The following STAT5B variants were observed in gnomAD, a reference collection of about 807,000 sequenced individuals.
The protein encoded by STAT5B is signal transducer and activator of transcription 5B.
STAT5B carries 21 observed loss-of-function variants against 107.8 expected under a neutral mutation model. That is an observed-to-expected ratio of 0.19 (90% CI 0.14 to 0.28). The LOEUF (loss-of-function observed/expected upper bound fraction) is 0.28. STAT5B is among the 10% of genes least tolerant of loss of function. The probability of loss-of-function intolerance (pLI) is 1.00; values close to 1 mark genes in which losing one functional copy is unlikely to be tolerated. For missense variants in STAT5B, 565 were observed against 1,008.2 expected, an observed-to-expected ratio of 0.56 and a Z score of 5.95; for synonymous variants, 325 against 401.7, an observed-to-expected ratio of 0.81 and a Z score of 2.28.
intron 2 of STAT5B, among the ~76,000 whole-genome samples, chr17:42,228,887 T>C (rs2080295744): frequency 6.6e-6 from 1 of 152,106 alleles, no homozygotes; most frequent in Non-Finnish European, 1.5e-5. Flanking sequence ...TGAGCCAAGA[T>C]TGCGCCACTG....
intron 1 of STAT5B, among the ~76,000 whole-genome samples, chr17:42,258,002 C>T (rs1243316395): frequency 1.3e-5 from 2 of 152,106 alleles, no homozygotes; most frequent in Non-Finnish European, 2.9e-5. Context: ...AGAATGACTC[C>T]TTAGAGCATA....
intron 16 of STAT5B, 41 bp from the exon 17 acceptor site, chr17:42,202,849 A>G: frequency 6.2e-7 from 1 of 1,613,202 alleles, no homozygotes. Context: ...TTCTCAAGTG[A>G]AACAAAAATG....
chr17:42,275,704 T>C (rs1238309624), intron 1 of STAT5B: 1 of 152,000 alleles, frequency 6.6e-6, no homozygotes, highest in African/African-American at 2.4e-5. Flanking sequence ...CAGAGTCTTA[T>C]CGAAACGTTC....
At chr17:42,219,988 G>A (rs537622926) in intron 5 of STAT5B, 146 bp from the exon 6 acceptor site, 13 of 1,407,330 alleles carry the variant, frequency 9.2e-6, no homozygotes, top group Non-Finnish European at 9.5e-7. Context: ...ACAGCCAGGG[G>A]GGCCAAGATG....
chr17:42,212,265 C>A (rs151102468), intron 12 of STAT5B, 75 bp from the exon 13 acceptor site: 1 of 1,609,916 alleles, frequency 6.2e-7, no homozygotes, highest in African/African-American at 1.3e-5. Flanking sequence ...AAAAGAAAAA[C>A]GCTGATGGCT....
rs1363399058 is a variant in STAT5B, at chr17:42,232,130, T to C, written c.-3A>G. 3.1e-6 allele frequency: 5 copies of C among 1,613,864 alleles called. No individual in the cohort carries two copies. Among genetic ancestry groups the C allele is most frequent in the Non-Finnish European group, 3.4e-6 (4 of 1,179,916 alleles). On this transcript the variant is annotated 5_prime_UTR_variant, in exon 2 of 19. Transcript: ENST00000293328. ...TGAGCTTGTATCCACACAGCCATGG[T>C]TTACAATCTGTTGAACAAACAATCA...
chr17:42,230,396 G>A (rs1341302400), intron 2 of STAT5B, among the ~76,000 whole-genome samples: 2 of 152,120 alleles, frequency 1.3e-5, no homozygotes, highest in Non-Finnish European at 2.9e-5. Context: ...ATGTCAGATC[G>A]ACTGACAGAC....
intron 1 of STAT5B, among the ~76,000 whole-genome samples, chr17:42,261,947 C>T (rs955270704): frequency 8.6e-5 from 13 of 151,856 alleles, no homozygotes; most frequent in Non-Finnish European, 1.5e-5. Flanking sequence ...CAATCCTTCC[C>T]CCTCAGCCTC....
chr17:42,260,069 C>G (rs1223799424), intron 1 of STAT5B, among the ~76,000 whole-genome samples: 1 of 152,216 alleles, frequency 6.6e-6, no homozygotes, highest in East Asian at 1.9e-4. Context: ...ATGGTAGCCT[C>G]TAGCAGCATG....
rs978368117 is a variant in STAT5B, at chr17:42,199,523, T to C, written c.*2215A>G. ...TGTCTGGGAGTGGGTGAGAGGCTGA[T>C]GGGGTCGAGACACACCACTACCTTT... is the stretch of plus-strand genomic sequence containing the variant. On this transcript the variant is annotated 3_prime_UTR_variant, in exon 19 of 19. Coordinates refer to ENST00000293328, the MANE Select transcript of STAT5B (RefSeq NM_012448.4). 3 of 152,264 alleles carry C rather than the reference T, an allele frequency of 2.0e-5. No homozygotes were observed. Among genetic ancestry groups the C allele is most frequent in the Non-Finnish European group, 4.4e-5 (3 of 68,032 alleles). The allele number at this position is 152,264 out of a possible 1,614,324, so 9.4% of individuals were successfully genotyped here.
Position 42,199,719 on chromosome 17 carries a change from T to A in STAT5B, c.*2019A>T, listed in dbSNP as rs1372873021. 6.5e-6 allele frequency: 1 copy of A among 152,690 alleles called. No homozygotes were observed. Among genetic ancestry groups the A allele is most frequent in the Non-Finnish European group, 1.5e-5 (1 of 68,326 alleles). 9.5% of individuals were successfully genotyped at this position (152,690 alleles called of 1,614,324 possible). A position where few individuals can be genotyped will look rare whatever the true frequency, so the allele number is the denominator to read the frequency against. ...TCAGGGAAGCCACACTCATCAGCTCTCTTCCTCCCCAACCCAGTGCCAACT... is the reference window on the plus strand; with the variant it reads ...TCAGGGAAGCCACACTCATCAGCTCACTTCCTCCCCAACCCAGTGCCAACT... On this transcript the variant is annotated 3_prime_UTR_variant, in exon 19 of 19. Transcript: ENST00000293328.
At chr17:42,219,182 G>A in intron 7 of STAT5B, 130 bp downstream of exon 7, 9 of 1,393,332 alleles carry the variant, frequency 6.5e-6, no homozygotes, top group Non-Finnish European at 7.6e-6. Context: ...GAGGAACCAG[G>A]CTCCCTGGAG....
chr17:42,227,466 T>A, intron 3 of STAT5B, 63 bp downstream of exon 3: 1 of 1,607,934 alleles, frequency 6.2e-7, no homozygotes, highest in Admixed American at 1.7e-5. Flanking sequence ...AGAAAGAAAG[T>A]CTCTACAGGA....
chr17:42,222,236 A>G (rs1238897572), intron 5 of STAT5B, among the ~76,000 whole-genome samples: 1 of 151,562 alleles, frequency 6.6e-6, no homozygotes, highest in Admixed American at 6.6e-5. Flanking sequence ...TGGGTGGTTG[A>G]GCCAAGGCTT....
chr17:42,276,877 T>C (rs898172992), upstream of STAT5B, among the ~76,000 whole-genome samples: 3 of 152,190 alleles, frequency 2.0e-5, no homozygotes, highest in Non-Finnish European at 4.4e-5. The surrounding 1 kb of genome is among the most constrained non-coding windows in gnomAD (Gnocchi z 4.8). Flanking sequence ...TCAATAATTA[T>C]CCTGGGTTTG....
At chr17:42,259,866 GTTTTA>G (rs2080579282) in intron 1 of STAT5B, among the ~76,000 whole-genome samples, 2 of 152,160 alleles carry the variant, frequency 1.3e-5, no homozygotes, top group Middle Eastern at 3.4e-3. Flanking sequence ...TATTTGTTTT[GTTTTA>G]TTTTAAGTTC....
chr17:42,204,845 C>A (rs115122577), intron 16 of STAT5B, among the ~76,000 whole-genome samples: 2,178 of 152,164 alleles, frequency 0.014, 54 homozygotes, highest in African/African-American at 0.05. Context: ...AACTCCTAGG[C>A]TCAAGCAATC....
Position 42,251,867 on chromosome 17 carries a change from T to C in STAT5B, c.-10-19730A>G, listed in dbSNP as rs533006268. ...ACAAAAAATTAGCTGGGCGTGGTGA[T>C]GCGTGCCTGTAATCCCAGCTACTGG... is the stretch of plus-strand genomic sequence containing the variant. On this transcript the variant is annotated intron_variant, in intron 1 of 18. Transcript: ENST00000293328. Among the ~76,000 whole-genome samples, 10 of 151,740 alleles carry C rather than the reference T, an allele frequency of 6.6e-5. No homozygotes were observed. The South Asian group carries it at 2.1e-3, about 32-fold the overall frequency.
intron 1 of STAT5B, among the ~76,000 whole-genome samples, chr17:42,238,212 C>T (rs2080372611): frequency 6.6e-6 from 1 of 152,038 alleles, no homozygotes; most frequent in African/African-American, 2.4e-5. Flanking sequence ...TGGTTCACTG[C>T]AGCCTCAAAC....
Sources: allele counts gnomAD v4.1 joint callset (sites outside exome capture counted in the v4.1 genomes callset), GRCh38; gene constraint gnomAD v4.1.1; non-coding constraint Gnocchi (gnomAD v3.1); transcripts MANE v1.5; gene names NCBI Gene and HGNC (gene_info 2026-07-23, HGNC 2026-07-21).